Variants in RABGAP1L observed in about 807,000 individuals in gnomAD.
RABGAP1L encodes RAB GTPase activating protein 1 like.
In RABGAP1L, 63 loss-of-function variants were observed where a neutral mutation model predicts 137.7. The observed-to-expected ratio is 0.46, with a 90% CI of 0.37 to 0.56. The LOEUF (loss-of-function observed/expected upper bound fraction) is 0.56. RABGAP1L is among the 20% of genes least tolerant of loss of function. The pLI is 0.00. For missense variants in RABGAP1L, 1,095 were observed against 1,244.0 expected, an observed-to-expected ratio of 0.88 and a Z score of 1.80; for synonymous variants, 431 against 433.7, an observed-to-expected ratio of 0.99 and a Z score of 0.08.
chr1:174,690,649 T>TACAGTG (rs1207272517), intron 15 of RABGAP1L, among the ~76,000 whole-genome samples: 2 of 152,158 alleles, frequency 1.3e-5, no homozygotes, highest in Admixed American at 1.3e-4. Flanking sequence ...TAATATATCA[T>TACAGTG]ACAGTGATAG....
At chr1:174,747,752 A>G (rs1310501134) in intron 17 of RABGAP1L, among the ~76,000 whole-genome samples, 1 of 152,184 alleles carries the variant, frequency 6.6e-6, no homozygotes, top group Non-Finnish European at 1.5e-5. Flanking sequence ...AACATGATAT[A>G]AGCATTCATC....
intron 9 of RABGAP1L, 23 bp from the exon 10 acceptor site, chr1:174,278,590 A>T: frequency 6.3e-7 from 1 of 1,588,576 alleles, no homozygotes; most frequent in Non-Finnish European, 8.6e-7. Flanking sequence ...GCTCGCATAA[A>T]ACCCAGAAAA....
At chr1:174,237,172 G>C (rs561236536) in intron 4 of RABGAP1L, among the ~76,000 whole-genome samples, 2 of 151,194 alleles carry the variant, frequency 1.3e-5, no homozygotes, top group Non-Finnish European at 2.9e-5. Flanking sequence ...GTCTCTGCAC[G>C]TGAGATGGGT....
chr1:174,976,510 T>C (rs1670651787), intron 22 of RABGAP1L, among the ~76,000 whole-genome samples: 1 of 152,180 alleles, frequency 6.6e-6, no homozygotes, highest in Non-Finnish European at 1.5e-5. Context: ...TCTGCAAATT[T>C]TGTGTTGTAT....
chr1:174,281,178 G>T (rs1342737364), intron 10 of RABGAP1L, among the ~76,000 whole-genome samples: 1 of 152,156 alleles, frequency 6.6e-6, no homozygotes, highest in Non-Finnish European at 1.5e-5. Flanking sequence ...CTTCCACAGA[G>T]TGGAAGAGGA....
At chr1:174,547,029 CAAAAAAAAAAA>C (rs375413887) in intron 13 of RABGAP1L, among the ~76,000 whole-genome samples, 27 of 78,248 alleles carry the variant, frequency 3.5e-4, no homozygotes, top group Admixed American at 5.5e-4. Context: ...GACTCTGTCT[CAAAAAAAAAAA>C]AAAAAAAAAA....
chr1:174,424,527 C>G (rs1204481609), intron 13 of RABGAP1L, among the ~76,000 whole-genome samples: 1 of 152,044 alleles, frequency 6.6e-6, no homozygotes, highest in Non-Finnish European at 1.5e-5. Context: ...GGACCTCTAA[C>G]AACAACCATG....
intron 17 of RABGAP1L, among the ~76,000 whole-genome samples, chr1:174,713,159 G>A (rs901359041): frequency 6.6e-6 from 1 of 152,164 alleles, no homozygotes; most frequent in African/African-American, 2.4e-5. Context: ...ACTTCTAGAA[G>A]TAAAACAATG....
At chr1:174,923,693 C>A (rs1361474621) in intron 19 of RABGAP1L, among the ~76,000 whole-genome samples, 1 of 151,792 alleles carries the variant, frequency 6.6e-6, no homozygotes, top group Non-Finnish European at 1.5e-5. Context: ...ACAGCCTGGC[C>A]AACATGTTGA....
intron 13 of RABGAP1L, among the ~76,000 whole-genome samples, chr1:174,635,940 TC>T (rs1572627199): frequency 1.3e-5 from 2 of 152,228 alleles, no homozygotes; most frequent in African/African-American, 4.8e-5. Flanking sequence ...AAACTTTTTT[TC>T]TTTCTTGATT....
At chr1:174,248,978 T>C (rs1316257224) in intron 5 of RABGAP1L, among the ~76,000 whole-genome samples, 1 of 152,174 alleles carries the variant, frequency 6.6e-6, no homozygotes, top group Admixed American at 6.5e-5. Flanking sequence ...ATTTGGAGAA[T>C]CTTTGGTGCT....
chr1:174,183,526 T>TA (rs1322795082), intron 1 of RABGAP1L, among the ~76,000 whole-genome samples: 1 of 152,226 alleles, frequency 6.6e-6, no homozygotes, highest in African/African-American at 2.4e-5. Context: ...CCCCTGCCCT[T>TA]ACACAACGTG....
intron 19 of RABGAP1L, among the ~76,000 whole-genome samples, chr1:174,878,780 C>T (rs985913792): frequency 1.3e-5 from 2 of 151,700 alleles, no homozygotes; most frequent in African/African-American, 4.8e-5. Flanking sequence ...TTATATCAAC[C>T]AGATGCAATA....
At chr1:174,943,708 C>T (rs1173362773) in intron 19 of RABGAP1L, among the ~76,000 whole-genome samples, 1 of 151,944 alleles carries the variant, frequency 6.6e-6, no homozygotes, top group African/African-American at 2.4e-5. Context: ...TGGCGGGCAC[C>T]TGTAATCCCA....
intron 13 of RABGAP1L, among the ~76,000 whole-genome samples, chr1:174,419,791 A>G (rs1057013467): frequency 1.3e-5 from 2 of 152,184 alleles, no homozygotes; most frequent in Non-Finnish European, 2.9e-5. Flanking sequence ...CTTTTATTTG[A>G]TGTGAAAGTA....
intron 1 of RABGAP1L, among the ~76,000 whole-genome samples, chr1:174,208,531 C>T (rs1668654433): frequency 6.6e-6 from 1 of 152,050 alleles, no homozygotes; most frequent in Non-Finnish European, 1.5e-5. Flanking sequence ...AAATGCATTT[C>T]AATTGACATG....
intron 13 of RABGAP1L, among the ~76,000 whole-genome samples, chr1:174,493,436 G>A (rs1572043138): frequency 6.6e-6 from 1 of 151,664 alleles, no homozygotes; most frequent in Non-Finnish European, 1.5e-5. Context: ...AATACTCTCA[G>A]TCTAGGTAGA....
chr1:174,716,103 GTTAT>G (rs1181087869), intron 17 of RABGAP1L, among the ~76,000 whole-genome samples: 5 of 151,832 alleles, frequency 3.3e-5, no homozygotes, highest in African/African-American at 1.2e-4. Context: ...GTGAATAGTT[GTTAT>G]TTGTTTTTAA....
At chr1:174,827,369 C>G (rs1057005261) in intron 19 of RABGAP1L, among the ~76,000 whole-genome samples, 5 of 152,054 alleles carry the variant, frequency 3.3e-5, no homozygotes, top group African/African-American at 1.2e-4. Context: ...CCCTAAGGAC[C>G]CATTTTAACT....
Sources: gnomAD v4.1 joint callset for allele counts (sites outside exome capture counted in the v4.1 genomes callset) on GRCh38, gnomAD v4.1.1 for gene constraint, MANE v1.5 for transcripts, NCBI Gene and HGNC (gene_info 2026-07-23, HGNC 2026-07-21) for gene names.